DRC11: variants seen among roughly 807,000 people sequenced by gnomAD.
The protein encoded by DRC11 is IQ and AAA domain-containing protein 1.
the DRC11 span, among the ~76,000 whole-genome samples, chr2:236,390,095 T>G: frequency 6.6e-6 from 1 of 152,212 alleles, no homozygotes; most frequent in Non-Finnish European, 1.5e-5. The surrounding 1 kb of genome is among the most constrained non-coding windows in gnomAD (Gnocchi z 5.9). Context: ...CTACTATTAT[T>G]GTATTGCTGT....
chr2:236,454,639 C>T, the DRC11 span: 3 of 152,184 alleles, frequency 2.0e-5, no homozygotes, highest in African/African-American at 4.8e-5. This position sits in a 1 kb window ranked among gnomAD's most constrained non-coding sequence, Gnocchi z 5.3. Context: ...GTAATTCATG[C>T]TCCATGCAGA....
At chr2:236,442,581 G>A in the DRC11 span, among the ~76,000 whole-genome samples, 3 of 152,082 alleles carry the variant, frequency 2.0e-5, no homozygotes, top group African/African-American at 7.2e-5. Context: ...GATTTGTCTC[G>A]TGCCTGGAAT....
At chr2:236,356,076 G>C in the DRC11 span, among the ~76,000 whole-genome samples, 8 of 152,114 alleles carry the variant, frequency 5.3e-5, no homozygotes, top group African/African-American at 1.9e-4. Flanking sequence ...GTGTCCTACA[G>C]CTGACACTGC....
the DRC11 span, among the ~76,000 whole-genome samples, chr2:236,469,919 G>A: frequency 6.6e-6 from 1 of 152,268 alleles, no homozygotes; most frequent in East Asian, 1.9e-4. The surrounding 1 kb of genome is among the most constrained non-coding windows in gnomAD (Gnocchi z 5.8). Context: ...TCTTAATGAA[G>A]GCTTCCCATG....
chr2:236,456,143 A>C, the DRC11 span, among the ~76,000 whole-genome samples: 1 of 152,174 alleles, frequency 6.6e-6, no homozygotes, highest in South Asian at 2.1e-4. The surrounding 1 kb of genome is among the most constrained non-coding windows in gnomAD (Gnocchi z 5.4). Flanking sequence ...TTATCTGAGA[A>C]TCTGATGGAC....
chr2:236,407,759 G>C, the DRC11 span: 1 of 299,830 alleles, frequency 3.3e-6, no homozygotes, highest in Non-Finnish European at 6.5e-6. Context: ...CTCCATCATA[G>C]CCTTAGTTTT....
At chr2:236,496,840 CTG>C in the DRC11 span, among the ~76,000 whole-genome samples, 1 of 152,118 alleles carries the variant, frequency 6.6e-6, no homozygotes, top group Admixed American at 6.5e-5. The surrounding 1 kb of genome is among the most constrained non-coding windows in gnomAD (Gnocchi z 6.3). Flanking sequence ...CTGGGAGGGT[CTG>C]TGTTTCAAGG....
chr2:236,316,180 T>G, the DRC11 span, among the ~76,000 whole-genome samples: 1 of 151,884 alleles, frequency 6.6e-6, no homozygotes, highest in Non-Finnish European at 1.5e-5. The surrounding 1 kb of genome is among the most constrained non-coding windows in gnomAD (Gnocchi z 6.8). Flanking sequence ...TCTCTCTTTT[T>G]GAGATGGAGT....
At chr2:236,390,694 C>T in the DRC11 span, among the ~76,000 whole-genome samples, 1 of 152,066 alleles carries the variant, frequency 6.6e-6, no homozygotes, top group Non-Finnish European at 1.5e-5. This position sits in a 1 kb window ranked among gnomAD's most constrained non-coding sequence, Gnocchi z 5.9. Flanking sequence ...AAATGACTTG[C>T]TATTACTACA....
chr2:236,390,353 G>A, the DRC11 span, among the ~76,000 whole-genome samples: 1 of 151,992 alleles, frequency 6.6e-6, no homozygotes, highest in African/African-American at 2.4e-5. This position sits in a 1 kb window ranked among gnomAD's most constrained non-coding sequence, Gnocchi z 5.9. Context: ...CAGCCTATGT[G>A]TCCCTAAATC....
At chr2:236,379,271 A>C in the DRC11 span, among the ~76,000 whole-genome samples, 2 of 140,188 alleles carry the variant, frequency 1.4e-5, no homozygotes, top group Non-Finnish European at 3.1e-5. Flanking sequence ...CCCAAACAGA[A>C]GAGTGACAGG....
the DRC11 span, among the ~76,000 whole-genome samples, chr2:236,405,768 C>G: frequency 6.6e-6 from 1 of 152,182 alleles, no homozygotes; most frequent in East Asian, 1.9e-4. This position sits in a 1 kb window ranked among gnomAD's most constrained non-coding sequence, Gnocchi z 4.6. Context: ...CCACTACATA[C>G]ACTATACTTT....
At chr2:236,434,218 T>C in the DRC11 span, among the ~76,000 whole-genome samples, 2 of 152,198 alleles carry the variant, frequency 1.3e-5, no homozygotes, top group Non-Finnish European at 2.9e-5. This position sits in a 1 kb window ranked among gnomAD's most constrained non-coding sequence, Gnocchi z 5.5. Flanking sequence ...TCTTTTTTTG[T>C]GTTCAATCTT....
At chr2:236,432,076 C>T in the DRC11 span, among the ~76,000 whole-genome samples, 2 of 152,194 alleles carry the variant, frequency 1.3e-5, no homozygotes, top group African/African-American at 4.8e-5. Flanking sequence ...CTTTTCTCCA[C>T]ATCTTCAGCA....
the DRC11 span, among the ~76,000 whole-genome samples, chr2:236,480,973 T>C: frequency 6.6e-6 from 1 of 152,244 alleles, no homozygotes; most frequent in Non-Finnish European, 1.5e-5. Context: ...AGGTTTGCAT[T>C]AGCTCTAGCA....
the DRC11 span, among the ~76,000 whole-genome samples, chr2:236,313,584 A>G: frequency 6.6e-6 from 1 of 152,238 alleles, no homozygotes; most frequent in African/African-American, 2.4e-5. The surrounding 1 kb of genome is among the most constrained non-coding windows in gnomAD (Gnocchi z 4.5). Flanking sequence ...ACTGAAAAAC[A>G]TATTCACACA....
chr2:236,356,259 C>A, the DRC11 span, among the ~76,000 whole-genome samples: 1 of 152,236 alleles, frequency 6.6e-6, no homozygotes, highest in East Asian at 1.9e-4. Context: ...CTGCGCCCTG[C>A]CCTGGCCTTC....
At chr2:236,454,693 T>A in the DRC11 span, 1 of 152,350 alleles carries the variant, frequency 6.6e-6, no homozygotes, top group Admixed American at 6.5e-5. The surrounding 1 kb of genome is among the most constrained non-coding windows in gnomAD (Gnocchi z 5.3). Flanking sequence ...GCCATGGTCC[T>A]CAGAAGATAT....
chr2:236,372,508 C>G, the DRC11 span, among the ~76,000 whole-genome samples: 2 of 152,048 alleles, frequency 1.3e-5, no homozygotes, highest in Non-Finnish European at 2.9e-5. The surrounding 1 kb of genome is among the most constrained non-coding windows in gnomAD (Gnocchi z 4.5). Context: ...TCAAAGAACA[C>G]GTTTACTTAA....
Sources: gnomAD v4.1 joint callset for allele counts (sites outside exome capture counted in the v4.1 genomes callset) on GRCh38, gnomAD v4.1.1 for gene constraint, Gnocchi (gnomAD v3.1) non-coding constraint, MANE v1.5 for transcripts, NCBI Gene and HGNC (gene_info 2026-07-23, HGNC 2026-07-21) for gene names.